Variants in HIBCH observed in about 807,000 individuals in gnomAD.
HIBCH encodes the protein 3-hydroxyisobutyryl-CoA hydrolase.
HIBCH carries 50 observed loss-of-function variants against 58.2 expected under a neutral mutation model. That is an observed-to-expected ratio of 0.86 (90% CI 0.68 to 1.09). HIBCH has a LOEUF of 1.09. Ranked by LOEUF, HIBCH falls within the 50% of genes least tolerant of loss-of-function variation. The probability of loss-of-function intolerance (pLI) is 0.00; values close to 1 mark genes in which losing one functional copy is unlikely to be tolerated. For synonymous variants in HIBCH, 151 were observed against 146.9 expected (o/e 1.03, Z -0.20); for missense variants, 450 against 449.7 (o/e 1.00, Z -0.01).
At chr2:190,276,847 T>TA (rs1687565792) in intron 6 of HIBCH, among the ~76,000 whole-genome samples, 1 of 152,134 alleles carries the variant, frequency 6.6e-6, no homozygotes, top group Non-Finnish European at 1.5e-5. Context: ...GTTACCAATA[T>TA]AAAAAACACT....
intron 4 of HIBCH, among the ~76,000 whole-genome samples, chr2:190,291,021 AT>A (rs1333363984): frequency 2.6e-5 from 4 of 152,306 alleles, no homozygotes; most frequent in Non-Finnish European, 5.9e-5. Context: ...CTTAAAAAAA[AT>A]AATAATATAT....
chr2:190,223,993 TC>T (rs1413946000), intron 11 of HIBCH, among the ~76,000 whole-genome samples: 2 of 152,110 alleles, frequency 1.3e-5, no homozygotes, highest in Admixed American at 6.5e-5. Context: ...GTCGGGGAAT[TC>T]CCTTTCCTGG....
At chr2:190,285,244 T>C (rs549615902) in intron 6 of HIBCH, among the ~76,000 whole-genome samples, 3 of 152,374 alleles carry the variant, frequency 2.0e-5, no homozygotes, top group East Asian at 1.9e-4. Context: ...TCTATCCTTA[T>C]GGGATTTCTT....
chr2:190,225,090 T>C lies in HIBCH; in HGVS notation c.892-12015A>G, dbSNP rs1685848119. Among the ~76,000 whole-genome samples the C allele has an allele frequency of 2.0e-5, 3 of 152,140 alleles. No individual in the cohort carries two copies. In the South Asian group the frequency reaches 6.2e-4, roughly 31 times the overall value. ...AACCAGTGAGAACAAAGACACAACATACCAGAATCTCTGGGACACACTTAA... is the reference window on the plus strand; with the variant it reads ...AACCAGTGAGAACAAAGACACAACACACCAGAATCTCTGGGACACACTTAA... On this transcript the variant is annotated intron_variant, in intron 11 of 13. Transcript: ENST00000359678.
intron 7 of HIBCH, among the ~76,000 whole-genome samples, chr2:190,253,564 A>C (rs1363785754): frequency 6.6e-6 from 1 of 152,082 alleles, no homozygotes; most frequent in Non-Finnish European, 1.5e-5. Flanking sequence ...ACCTTCTCGC[A>C]CCATCCCCTT....
At chr2:190,256,714 AAC>A (rs1686935651) in intron 7 of HIBCH, among the ~76,000 whole-genome samples, 1 of 152,326 alleles carries the variant, frequency 6.6e-6, no homozygotes, top group African/African-American at 2.4e-5. Context: ...CAAAAACATT[AAC>A]ACAGTTATCA....
intron 11 of HIBCH, among the ~76,000 whole-genome samples, chr2:190,234,746 A>G (rs1686215737): frequency 6.6e-6 from 1 of 151,906 alleles, no homozygotes; most frequent in East Asian, 1.9e-4. Flanking sequence ...GTTACTCGGG[A>G]GGCTGAGGCA....
In HIBCH at chr2:190,236,892, A is replaced by G. The variant is rs1449761576; in HGVS notation, c.891+7995T>C. Among the ~76,000 whole-genome samples, 1 of 152,164 alleles carries G rather than the reference A, an allele frequency of 6.6e-6. No individual in the cohort carries two copies. On this transcript the variant is annotated intron_variant, in intron 11 of 13. Transcript: ENST00000359678. The surrounding 1 kb of genome is among the most constrained non-coding windows in gnomAD (Gnocchi z 4.1). ...CGCTAAGGCCCATCAGTGAACTAGA[A>G]AACTGTTTTCTCTTCTGTCTACATA...
chr2:190,224,477 T>C (rs71529269), intron 11 of HIBCH, among the ~76,000 whole-genome samples: 4,077 of 151,490 alleles, frequency 0.027, 97 homozygotes, highest in East Asian at 0.14. Flanking sequence ...AAAGCAGGGG[T>C]TGCAATCCTA....
chr2:190,239,264 A>T (rs968111431), intron 11 of HIBCH, among the ~76,000 whole-genome samples: 1 of 152,176 alleles, frequency 6.6e-6, no homozygotes, highest in African/African-American at 2.4e-5. Flanking sequence ...GTCAAAGATC[A>T]GATGGTTGTA....
In HIBCH at chr2:190,314,300, CATATATAT is replaced by C. The variant is rs1559068251; in HGVS notation, c.36-3512_36-3505del. ...AAAAATATATATATATGTATATATA[CATATATAT>C]GTGTATATATATGTATATATGTATA... is the stretch of plus-strand genomic sequence containing the variant. On this transcript the variant is annotated intron_variant, in intron 1 of 13. Transcript: ENST00000359678. Among the ~76,000 whole-genome samples the C allele has an allele frequency of 4.2e-3, 178 of 42,400 alleles. 1 individual carries two copies. Among genetic ancestry groups the C allele is most frequent in the African/African-American group, 4.8e-3 (81 of 16,726 alleles). 27.8% of individuals were successfully genotyped at this position (42,400 alleles called of 152,430 possible). A position where few individuals can be genotyped will look rare whatever the true frequency, so the allele number is the denominator to read the frequency against.
At chr2:190,318,046 G>A (rs1688750388) in intron 1 of HIBCH, among the ~76,000 whole-genome samples, 1 of 151,820 alleles carries the variant, frequency 6.6e-6, no homozygotes, top group Non-Finnish European at 1.5e-5. Flanking sequence ...GCCTGGTCTT[G>A]AACTCCTGAC....
intron 11 of HIBCH, among the ~76,000 whole-genome samples, chr2:190,242,564 AC>A (rs1350796440): frequency 3.3e-5 from 5 of 151,980 alleles, no homozygotes; most frequent in Non-Finnish European, 7.4e-5. Context: ...GTGTTTATCT[AC>A]CTTTGAGCTT....
chr2:190,319,651 C>T, intron 1 of HIBCH, 65 bp downstream of exon 1: 2 of 1,379,108 alleles, frequency 1.5e-6, no homozygotes, highest in Non-Finnish European at 2.1e-6. Context: ...CCACCCCCGG[C>T]CCTTTTCCCA....
chr2:190,213,105 G>A (rs570583599), intron 11 of HIBCH, 30 bp from the exon 12 acceptor site: 2 of 1,512,122 alleles, frequency 1.3e-6, no homozygotes, highest in South Asian at 2.2e-5. Flanking sequence ...ACTACTGTTA[G>A]TCCAATAGTT....
At chr2:190,239,820 T>C (rs1298616755) in intron 11 of HIBCH, among the ~76,000 whole-genome samples, 1 of 152,132 alleles carries the variant, frequency 6.6e-6, no homozygotes, top group Admixed American at 6.6e-5. Flanking sequence ...CAGCTAATTT[T>C]TGTATTTTTA....
In HIBCH at chr2:190,304,466, C is replaced by T. The variant is rs1443182380; in HGVS notation, c.78+6288G>A. 6.6e-6 allele frequency among the ~76,000 whole-genome samples: 1 copy of T among 152,082 alleles called. No homozygotes were observed. The highest frequency in any genetic ancestry group is 2.4e-5 in the African/African-American group (1 of 41,410). On this transcript the variant is annotated intron_variant, in intron 2 of 13. Coordinates refer to ENST00000359678, the MANE Select transcript of HIBCH (RefSeq NM_014362.4). The surrounding 1 kb of genome is among the most constrained non-coding windows in gnomAD (Gnocchi z 4.1). ...AGCCACCAGTCTCACTCCCATAACCCCATTAATCAATTAATGGATTAATCC... is the reference window on the plus strand; with the variant it reads ...AGCCACCAGTCTCACTCCCATAACCTCATTAATCAATTAATGGATTAATCC...
chr2:190,239,652 T>G (rs1301779520), intron 11 of HIBCH, among the ~76,000 whole-genome samples: 3 of 149,492 alleles, frequency 2.0e-5, no homozygotes, highest in Non-Finnish European at 3.0e-5. Context: ...TTGTAGTTTT[T>G]TTTTTTTTTT....
intron 11 of HIBCH, among the ~76,000 whole-genome samples, chr2:190,229,363 G>A (rs1050094410): frequency 2.0e-5 from 3 of 152,192 alleles, no homozygotes; most frequent in African/African-American, 7.2e-5. Context: ...TCAAAGGAAT[G>A]CTTAAAGGTG....
Sources: allele counts gnomAD v4.1 joint callset (sites outside exome capture counted in the v4.1 genomes callset), GRCh38; gene constraint gnomAD v4.1.1; non-coding constraint Gnocchi (gnomAD v3.1); transcripts MANE v1.5; gene names NCBI Gene and HGNC (gene_info 2026-07-23, HGNC 2026-07-21).